RPTOR: variants seen among roughly 807,000 people sequenced by gnomAD.
RPTOR encodes the protein regulatory-associated protein of mTOR.
RPTOR carries 21 observed loss-of-function variants against 169.9 expected under a neutral mutation model. The ratio of observed to expected loss-of-function variants is 0.12; its 90% CI spans 0.09 to 0.18. RPTOR has a LOEUF of 0.18. Ranked by LOEUF, RPTOR falls within the 10% of genes least tolerant of loss-of-function variation. The pLI is 1.00. For missense variants in RPTOR, 1,133 were observed against 1,855.9 expected (o/e 0.61, Z 7.16); for synonymous variants, 732 against 753.2 (o/e 0.97, Z 0.46).
intron 3 of RPTOR, among the ~76,000 whole-genome samples, chr17:80,682,306 A>G (rs957200831): frequency 4.6e-5 from 7 of 152,106 alleles, no homozygotes; most frequent in African/African-American, 7.2e-5. Flanking sequence ...GGGTCTCCCT[A>G]TGTAACTCAG....
intron 4 of RPTOR, among the ~76,000 whole-genome samples, chr17:80,711,251 A>G (rs1425940330): frequency 6.6e-6 from 1 of 152,100 alleles, no homozygotes; most frequent in Non-Finnish European, 1.5e-5. Flanking sequence ...TGAGGAGTTT[A>G]TGTACCTTTT....
In RPTOR at chr17:80,960,422, G is replaced by A. The variant is rs1357112220; in HGVS notation, c.3605+217G>A. Among the ~76,000 whole-genome samples, 1 of 152,226 alleles carries A rather than the reference G, an allele frequency of 6.6e-6. No homozygotes were observed. The highest frequency in any genetic ancestry group is 1.5e-5 in the Non-Finnish European group (1 of 68,032). On this transcript the variant is annotated intron_variant, in intron 30 of 33. Transcript: ENST00000306801. The surrounding 1 kb of genome is among the most constrained non-coding windows in gnomAD (Gnocchi z 4.8). ...TCCCACAAAGGTCTGCCCCACAGAGGTCCACCCCACAGCCTATGGAGGAGC... is the reference window on the plus strand; with the variant it reads ...TCCCACAAAGGTCTGCCCCACAGAGATCCACCCCACAGCCTATGGAGGAGC...
At position 80,845,465 on chromosome 17, in the gene RPTOR, G is replaced by A. The variant is rs1029040320; in HGVS notation, c.1213-1008G>A. Reference sequence around the variant, plus strand: ...AAGCAGTCGCATGACCGCCTCTGCCGGGTCCTCCAGCCCTCCCCCTGCTTC... The same window carrying A: ...AAGCAGTCGCATGACCGCCTCTGCCAGGTCCTCCAGCCCTCCCCCTGCTTC... On this transcript the variant is annotated intron_variant, in intron 10 of 33. Transcript: ENST00000306801. This position sits in a 1 kb window ranked among gnomAD's most constrained non-coding sequence, Gnocchi z 5.4. Among the ~76,000 whole-genome samples, 2 of 151,896 alleles carry A rather than the reference G, an allele frequency of 1.3e-5. No individual in the cohort carries two copies. The highest frequency in any genetic ancestry group is 2.4e-5 in the African/African-American group (1 of 41,330).
chr17:80,660,131 C>T (rs762478412), intron 3 of RPTOR, among the ~76,000 whole-genome samples: 5 of 152,026 alleles, frequency 3.3e-5, no homozygotes, highest in Middle Eastern at 6.8e-3. Flanking sequence ...ATTAGCTGGG[C>T]ATGGTGGTGG....
At chr17:80,593,632 A>G (rs2065123683) in intron 1 of RPTOR, 1 of 153,254 alleles carries the variant, frequency 6.5e-6, no homozygotes, top group South Asian at 2.0e-4. Context: ...GCTTCAGTTG[A>G]ATCAATGTAT....
chr17:80,930,492 CCAGCTCATCCT>C (rs1567993978), intron 24 of RPTOR, among the ~76,000 whole-genome samples: 22 of 151,116 alleles, frequency 1.5e-4, no homozygotes, highest in African/African-American at 5.4e-4. Flanking sequence ...CAGCTCATCC[CCAGCTCATCCT>C]CAGCTCATCT....
At chr17:80,622,037 CT>C (rs2065358538) in intron 1 of RPTOR, among the ~76,000 whole-genome samples, 1 of 152,148 alleles carries the variant, frequency 6.6e-6, no homozygotes, top group Non-Finnish European at 1.5e-5. Context: ...AGTTTAAGGC[CT>C]ATTCTCTTTG....
At chr17:80,835,874 T>C (rs1019930739) in intron 9 of RPTOR, among the ~76,000 whole-genome samples, 6 of 152,206 alleles carry the variant, frequency 3.9e-5, no homozygotes, top group African/African-American at 7.2e-5. Context: ...AGATCAAGAC[T>C]GTGTTCTGTG....
chr17:80,627,102 G>A (rs1291732843), intron 2 of RPTOR, among the ~76,000 whole-genome samples: 5 of 152,156 alleles, frequency 3.3e-5, no homozygotes, highest in African/African-American at 1.2e-4. Context: ...GTTCATCCAT[G>A]TCGTAGCATG....
intron 13 of RPTOR, among the ~76,000 whole-genome samples, chr17:80,858,389 C>T (rs2067879638): frequency 6.6e-6 from 1 of 152,280 alleles, no homozygotes; most frequent in Non-Finnish European, 1.5e-5. Flanking sequence ...TAGGGGCCAC[C>T]CCCTTACACG....
chr17:80,563,649 T>C, intron 1 of RPTOR, among the ~76,000 whole-genome samples: 1 of 151,928 alleles, frequency 6.6e-6, no homozygotes, highest in East Asian at 1.9e-4. Flanking sequence ...TCAAGATATT[T>C]GTTTTAGTCA....
At chr17:80,806,645 C>T (rs529665325) in intron 7 of RPTOR, among the ~76,000 whole-genome samples, 1 of 152,262 alleles carries the variant, frequency 6.6e-6, no homozygotes, top group South Asian at 2.1e-4. Context: ...ACTTTAGTTA[C>T]CATCAGTGTT....
At chr17:80,714,230 C>T (rs1186745930) in intron 4 of RPTOR, among the ~76,000 whole-genome samples, 5 of 152,096 alleles carry the variant, frequency 3.3e-5, no homozygotes, top group African/African-American at 9.7e-5. Flanking sequence ...TGTGAGCCAC[C>T]GTGCCTGGCC....
At chr17:80,918,626 G>T (rs950178649) in intron 21 of RPTOR, among the ~76,000 whole-genome samples, 3 of 152,166 alleles carry the variant, frequency 2.0e-5, no homozygotes, top group Non-Finnish European at 4.4e-5. Context: ...CACCAGCTTT[G>T]CCCTGAGCCC....
intron 7 of RPTOR, among the ~76,000 whole-genome samples, chr17:80,809,784 A>G (rs1274605984): frequency 6.6e-6 from 1 of 152,056 alleles, no homozygotes; most frequent in East Asian, 1.9e-4. Context: ...CACGTCTGTA[A>G]TCCCAACACT....
intron 7 of RPTOR, among the ~76,000 whole-genome samples, chr17:80,796,430 C>CCATGGGTA (rs1353559836): frequency 6.6e-6 from 1 of 152,104 alleles, no homozygotes; most frequent in African/African-American, 2.4e-5. Flanking sequence ...ACAGTCATGG[C>CCATGGGTA]AGAAAGGGAA....
chr17:80,610,774 C>A (rs1349144432), intron 1 of RPTOR, among the ~76,000 whole-genome samples: 1 of 152,162 alleles, frequency 6.6e-6, no homozygotes, highest in Non-Finnish European at 1.5e-5. Flanking sequence ...GAGTGCTTCT[C>A]TTGAAGGAAA....
rs375093113 is a variant in RPTOR, at chr17:80,671,535, T to G, written c.348+27725T>G. The stretch of plus-strand genomic sequence containing the variant: ...GTTTTTGTAACGATTTTCGACAGAT[T>G]AGCATTCCTTTAAAAAAGAACTTAA... On this transcript the variant is annotated intron_variant, in intron 3 of 33. Transcript: ENST00000306801. Among the ~76,000 whole-genome samples, 9 of 152,300 alleles carry G rather than the reference T, an allele frequency of 5.9e-5. No individual in the cohort carries two copies. In the East Asian group the frequency reaches 1.5e-3, roughly 26 times the overall value.
At chr17:80,654,325 C>G (rs1719699802) in intron 3 of RPTOR, among the ~76,000 whole-genome samples, 1 of 152,206 alleles carries the variant, frequency 6.6e-6, no homozygotes, top group Admixed American at 6.5e-5. Context: ...GGAAAGACCC[C>G]TCCCAGGTGA....
Sources: gnomAD v4.1 joint callset for allele counts (sites outside exome capture counted in the v4.1 genomes callset) on GRCh38, gnomAD v4.1.1 for gene constraint, Gnocchi (gnomAD v3.1) non-coding constraint, MANE v1.5 for transcripts, NCBI Gene and HGNC (gene_info 2026-07-23, HGNC 2026-07-21) for gene names.